The following ZNF84 variants were observed in gnomAD, a reference collection of about 807,000 sequenced individuals.
ZNF84 encodes the protein zinc finger protein 84.
ZNF84 carries 12 observed loss-of-function variants against 14.8 expected under a neutral mutation model. The observed-to-expected ratio is 0.81, with a 90% CI of 0.52 to 1.31. The LOEUF (loss-of-function observed/expected upper bound fraction) is 1.31, where lower values mean the gene tolerates loss of function less well. Ranked by LOEUF, ZNF84 falls within the 50% of genes most tolerant of loss-of-function variation. The pLI, the probability that ZNF84 is intolerant of heterozygous loss-of-function variation, is 0.00. For missense variants in ZNF84, 859 were observed against 878.6 expected (o/e 0.98, Z 0.28); for synonymous variants, 347 against 291.1 (o/e 1.19, Z -1.96).
chr12:133,043,252 A>G (rs1295036737), intron 2 of ZNF84, among the ~76,000 whole-genome samples: 2 of 152,008 alleles, frequency 1.3e-5, no homozygotes, highest in Non-Finnish European at 2.9e-5. Flanking sequence ...ATCTCAGCTC[A>G]CTGCAACCTC....
intron 2 of ZNF84, among the ~76,000 whole-genome samples, chr12:133,042,669 G>A (rs1385766636): frequency 6.6e-6 from 1 of 152,160 alleles, no homozygotes; most frequent in Non-Finnish European, 1.5e-5. Context: ...GCTAATAAAC[G>A]CATGAACCTT....
At chr12:133,049,623 G>T (rs1954040444) in intron 4 of ZNF84, among the ~76,000 whole-genome samples, 3 of 152,094 alleles carry the variant, frequency 2.0e-5, no homozygotes, top group Non-Finnish European at 4.4e-5. Context: ...GGGACTACAG[G>T]CACATGCCAC....
intron 2 of ZNF84, among the ~76,000 whole-genome samples, chr12:133,041,819 C>G (rs906656554): frequency 3.3e-5 from 5 of 152,140 alleles, no homozygotes; most frequent in Admixed American, 1.3e-4. Context: ...ACTGATTGCC[C>G]ATAGGAAGTA....
At position 133,058,655 on chromosome 12, in the gene ZNF84, G is replaced by T; in HGVS notation, c.1940G>T (p.Arg647Ile). The T allele has an allele frequency of 6.2e-7, 1 of 1,614,130 alleles. No homozygotes were observed. Among genetic ancestry groups the T allele is most frequent in the Non-Finnish European group, 8.5e-7 (1 of 1,180,020 alleles). The change falls in exon 5 of 5, where the codon AGA becomes ATA. Residue 647 changes from arginine (R) to isoleucine (I), a missense_variant. Transcript: ENST00000539354. ...REKSSLINHQ[R>I]IHTGEKPFEC... is the part of the protein sequence containing the mutation. ...AAGTCAAGTCTCATCAATCATCAGAGAATACATACAGGAGAGAAGCCTTTT... is the reference window on the plus strand; with the variant it reads ...AAGTCAAGTCTCATCAATCATCAGATAATACATACAGGAGAGAAGCCTTTT...
intron 1 of ZNF84, 31 bp from the exon 2 acceptor site, chr12:133,041,247 A>G: frequency 1.8e-6 from 1 of 553,550 alleles, no homozygotes; most frequent in Non-Finnish European, 3.2e-6. Context: ...TGCAATGTGA[A>G]TATACCAGTT....
chr12:133,048,176 TC>T, intron 3 of ZNF84, 95 bp downstream of exon 3: 1 of 1,246,672 alleles, frequency 8.0e-7, no homozygotes, highest in African/African-American at 1.5e-5. Context: ...TAGCTAGGCT[TC>T]TGAAATTTTT....
At chr12:133,055,775 CT>C (rs1954144089) in intron 4 of ZNF84, among the ~76,000 whole-genome samples, 1 of 152,052 alleles carries the variant, frequency 6.6e-6, no homozygotes, top group African/African-American at 2.4e-5. Flanking sequence ...TAGAAGAAAA[CT>C]TTTGAGACCT....
intron 2 of ZNF84, among the ~76,000 whole-genome samples, chr12:133,042,590 G>A (rs1377557452): frequency 2.0e-5 from 3 of 152,134 alleles, no homozygotes; most frequent in Admixed American, 6.5e-5. Flanking sequence ...GGCATCCACC[G>A]GAGTCTTGGA....
chr12:133,052,213 C>T (rs2137391948), intron 4 of ZNF84, among the ~76,000 whole-genome samples: 1 of 152,298 alleles, frequency 6.6e-6, no homozygotes, highest in East Asian at 1.9e-4. Flanking sequence ...CAAGGTACCA[C>T]CATGATCTTT....
Position 133,062,817 on chromosome 12 carries a change from A to G in ZNF84, c.*3885A>G, listed in dbSNP as rs1484072190. On this transcript the variant is annotated 3_prime_UTR_variant, in exon 5 of 5. Transcript: ENST00000539354. ...TCTGAAAACTTTTTCCTCCTATGCA[A>G]TATTTTCTGGCCTCTGTGAACAACT... 4 of 424,738 alleles carry G rather than the reference A, an allele frequency of 9.4e-6. No individual in the cohort carries two copies. Among genetic ancestry groups the G allele is most frequent in the East Asian group, 3.7e-5 (1 of 26,708 alleles). 26.3% of individuals were successfully genotyped at this position (424,738 alleles called of 1,614,324 possible). A position where few individuals can be genotyped will look rare whatever the true frequency, so the allele number is the denominator to read the frequency against.
chr12:133,039,994 C>T (rs1453001678), intron 1 of ZNF84, among the ~76,000 whole-genome samples: 1 of 152,054 alleles, frequency 6.6e-6, no homozygotes, highest in Non-Finnish European at 1.5e-5. Flanking sequence ...CAGGTGCATG[C>T]CACCACGCCT....
At chr12:133,044,822 G>A (rs1315588486) in intron 2 of ZNF84, among the ~76,000 whole-genome samples, 2 of 152,038 alleles carry the variant, frequency 1.3e-5, no homozygotes, top group Non-Finnish European at 2.9e-5. Flanking sequence ...GCTGAGGCAG[G>A]AGAATCGCTT....
At chr12:133,053,742 CA>C (rs150352026) in intron 4 of ZNF84, among the ~76,000 whole-genome samples, 3 of 151,920 alleles carry the variant, frequency 2.0e-5, no homozygotes, top group Non-Finnish European at 4.4e-5. Flanking sequence ...TACCCTGTCT[CA>C]AAAAACAAAA....
In ZNF84 at chr12:133,041,379, C is replaced by G. The variant is rs1254996107; in HGVS notation, c.-89C>G. 5.2e-6 allele frequency: 7 copies of G among 1,335,188 alleles called. No homozygotes were observed. The highest frequency in any genetic ancestry group is 7.5e-6 in the Non-Finnish European group (7 of 929,406). The allele number at this position is 1,335,188 out of a possible 1,614,324, so 82.7% of individuals were successfully genotyped here. Reference sequence around the variant, plus strand: ...CTCAGTGTAGAAGACCTAGCTGAGACCTCACTCCACAGTTTTGGGGCAGAA... The same window carrying G: ...CTCAGTGTAGAAGACCTAGCTGAGAGCTCACTCCACAGTTTTGGGGCAGAA... On this transcript the variant is annotated 5_prime_UTR_variant, in exon 2 of 5. Transcript: ENST00000539354.
At position 133,057,486 on chromosome 12, in the gene ZNF84, T is replaced by C. The variant is rs1954180401; in HGVS notation, c.771T>C (p.His257=). The C allele has an allele frequency of 1.9e-6, 3 of 1,614,050 alleles. No homozygotes were observed. In the Admixed American group the frequency reaches 5.0e-5, roughly 27 times the overall value. Residue 257 remains histidine (H), a synonymous_variant, in exon 5 of 5, where the codon CAT becomes CAC. Transcript: ENST00000539354. ...AGTTTATTACACATCACAGAACTCA[T>C]ACAGGAGAAAAACCTTATAATTGTA... is the stretch of plus-strand genomic sequence containing the variant. ...KSQFITHHRT[H]TGEKPYNCSQ...
At position 133,062,841 on chromosome 12, in the gene ZNF84, C is replaced by G. The variant is rs1354748678; in HGVS notation, c.*3909C>G. 6.2e-6 allele frequency: 3 copies of G among 487,678 alleles called. No individual in the cohort carries two copies. Among genetic ancestry groups the G allele is most frequent in the East Asian group, 6.4e-5 (2 of 31,126 alleles). The allele number at this position is 487,678 out of a possible 1,614,324, so 30.2% of individuals were successfully genotyped here. ...AATATTTTCTGGCCTCTGTGAACAA[C>G]TTGTAGTTCCTTGAGATTTCTATTA... is the stretch of plus-strand genomic sequence containing the variant. On this transcript the variant is annotated 3_prime_UTR_variant, in exon 5 of 5. Transcript: ENST00000539354.
chr12:133,045,332 G>T lies in ZNF84; in HGVS notation c.16-2623G>T, dbSNP rs199635355. On this transcript the variant is annotated intron_variant, in intron 2 of 4. Coordinates refer to ENST00000539354, the MANE Select transcript of ZNF84 (RefSeq NM_001289971.2). The stretch of plus-strand genomic sequence containing the variant: ...CTAAAAATACAAAAATTAGCTGGGC[G>T]TAGTGGCAGGTGCCTGTAATCCCAG... 4.5e-4 allele frequency among the ~76,000 whole-genome samples: 69 copies of T among 152,236 alleles called. 1 individual carries two copies. In the East Asian group the frequency reaches 0.012, roughly 26 times the overall value.
rs1278173873 is a variant in ZNF84, at chr12:133,058,490, T to A, written c.1775T>A (p.Ile592Asn). ...QKSQLNTHQR[I>N]HTGEKPYECS... Reference sequence around the variant, plus strand: ...TCACAGCTAAATACCCATCAGAGAATTCACACTGGAGAGAAACCCTATGAA... The same window carrying A: ...TCACAGCTAAATACCCATCAGAGAAATCACACTGGAGAGAAACCCTATGAA... Residue 592 changes from isoleucine to asparagine, a missense_variant, in exon 5 of 5, where the codon ATT becomes AAT. Transcript: ENST00000539354. The A allele has an allele frequency of 6.2e-7, 1 of 1,613,926 alleles. No homozygotes were observed.
intron 4 of ZNF84, 64 bp from the exon 5 acceptor site, chr12:133,056,890 T>C: frequency 7.2e-7 from 1 of 1,396,972 alleles, no homozygotes; most frequent in Non-Finnish European, 9.7e-7. Flanking sequence ...ATTTCTAGTT[T>C]TGTTTTGTTT....
Sources: gnomAD v4.1 joint callset for allele counts (sites outside exome capture counted in the v4.1 genomes callset) on GRCh38, gnomAD v4.1.1 for gene constraint, MANE v1.5 for transcripts, NCBI Gene and HGNC (gene_info 2026-07-23, HGNC 2026-07-21) for gene names.